The following PLA2R1 variants were observed in gnomAD, a reference collection of about 807,000 sequenced individuals.
PLA2R1 encodes the protein secretory phospholipase A2 receptor.
In PLA2R1, 158 loss-of-function variants were observed where a neutral mutation model predicts 195.9. The observed-to-expected ratio is 0.81, with a 90% CI of 0.71 to 0.92. The LOEUF (loss-of-function observed/expected upper bound fraction) is 0.92, where lower values mean the gene tolerates loss of function less well. Among genes scored for constraint, PLA2R1 ranks in the 40% least tolerant of loss-of-function variants. The probability of loss-of-function intolerance (pLI) is 0.00; values close to 1 mark genes in which losing one functional copy is unlikely to be tolerated. For missense variants in PLA2R1, 1,626 were observed against 1,764.6 expected, an observed-to-expected ratio of 0.92 and a Z score of 1.41; for synonymous variants, 586 against 598.2, an observed-to-expected ratio of 0.98 and a Z score of 0.30.
At chr2:159,987,057 G>A in intron 12 of PLA2R1, 99 bp downstream of exon 12, 3 of 847,314 alleles carry the variant, frequency 3.5e-6, no homozygotes, top group Non-Finnish European at 5.8e-6. Context: ...CACTGTTCTG[G>A]AAAAAAAAAG....
rs756189501 is a variant in PLA2R1, at chr2:159,967,666, C to G, written c.2777G>C (p.Ser926Thr). 1.8e-5 allele frequency: 29 copies of G among 1,613,538 alleles called. No individual in the cohort carries two copies. The South Asian group carries it at 3.2e-4, about 18-fold the overall frequency. ...AGGCATAGAAACTGAACACTCTTCACTACCCCAGAGTCCTGGAGGAGAAAA... is the reference window on the plus strand; with the variant it reads ...AGGCATAGAAACTGAACACTCTTCAGTACCCCAGAGTCCTGGAGGAGAAAA... ...FISSITGLWG[S>T]EECSVSMPSI... Residue 926 changes from serine to threonine, a missense_variant, in exon 20 of 30, where the codon AGT becomes ACT. By Grantham distance (58) the Ser-to-Thr change is moderately conservative. Transcript: ENST00000283243.
intron 10 of PLA2R1, among the ~76,000 whole-genome samples, chr2:160,008,020 G>T (rs1692111330): frequency 6.6e-6 from 1 of 152,212 alleles, no homozygotes; most frequent in African/African-American, 2.4e-5. Flanking sequence ...AGACAGTGTG[G>T]GCTGGGCATA....
At chr2:160,023,342 A>T (rs1487788697) in intron 6 of PLA2R1, among the ~76,000 whole-genome samples, 1 of 152,208 alleles carries the variant, frequency 6.6e-6, no homozygotes, top group Non-Finnish European at 1.5e-5. Context: ...AAAACCCATC[A>T]AAACCAAGAC....
At chr2:160,009,151 T>C (rs1268748883) in intron 10 of PLA2R1, among the ~76,000 whole-genome samples, 1 of 152,236 alleles carries the variant, frequency 6.6e-6, no homozygotes. Context: ...GTACAGTGGT[T>C]CCTTAAAAAA....
intron 10 of PLA2R1, among the ~76,000 whole-genome samples, chr2:160,011,541 C>A (rs1407380687): frequency 1.3e-5 from 2 of 151,952 alleles, no homozygotes; most frequent in African/African-American, 4.8e-5. Flanking sequence ...AACACAGTGC[C>A]AGGTATGTGA....
intron 11 of PLA2R1, among the ~76,000 whole-genome samples, chr2:159,999,726 C>T (rs1231946909): frequency 1.3e-5 from 2 of 152,040 alleles, no homozygotes; most frequent in East Asian, 3.9e-4. Context: ...AAATGAATGG[C>T]TTTAATTATG....
chr2:159,968,720 T>TA (rs1688947396), intron 19 of PLA2R1, among the ~76,000 whole-genome samples: 1 of 152,198 alleles, frequency 6.6e-6, no homozygotes, highest in South Asian at 2.1e-4. Context: ...GAGGAGAATT[T>TA]AAAAAACCAA....
intron 8 of PLA2R1, among the ~76,000 whole-genome samples, chr2:160,018,393 A>G (rs2105456882): frequency 6.6e-6 from 1 of 152,336 alleles, no homozygotes; most frequent in Middle Eastern, 3.4e-3. Context: ...CAGTAATCAC[A>G]ACACTTTGGG....
chr2:160,013,355 TCCA>T lies in PLA2R1; in HGVS notation c.1569_1571del (p.Gly524del). ...GGACTGTGTCAATTTTGTAACAGAATCCACCATGTCTCTCCCATCCCTTAAAAA... is the reference window on the plus strand; with the variant it reads ...GGACTGTGTCAATTTTGTAACAGAATCCATGTCTCTCCCATCCCTTAAAAA... On this transcript the variant is annotated inframe_deletion, in exon 10 of 30. Transcript: ENST00000283243. 2 of 1,603,378 alleles carry T rather than the reference TCCA, an allele frequency of 1.2e-6. No individual in the cohort carries two copies. Among genetic ancestry groups the T allele is most frequent in the Non-Finnish European group, 1.7e-6 (2 of 1,170,722 alleles).
intron 3 of PLA2R1, among the ~76,000 whole-genome samples, chr2:160,041,440 A>C (rs1694513329): frequency 6.6e-6 from 1 of 152,234 alleles, no homozygotes; most frequent in African/African-American, 2.4e-5. Flanking sequence ...ACTGCCATTG[A>C]ACTTTGAAAA....
Position 159,940,919 on chromosome 2 carries a change from G to A in PLA2R1, c.*859C>T, listed in dbSNP as rs1687055867. ...TCCAAGTTACATTTTATATCTTCCAGTTATTAAGAGTGTTACATATTATTT... is the reference window on the plus strand; with the variant it reads ...TCCAAGTTACATTTTATATCTTCCAATTATTAAGAGTGTTACATATTATTT... On this transcript the variant is annotated 3_prime_UTR_variant, in exon 30 of 30. Coordinates refer to ENST00000283243, the MANE Select transcript of PLA2R1 (RefSeq NM_007366.5). The A allele has an allele frequency of 6.6e-6, 1 of 151,984 alleles. No individual in the cohort carries two copies. Among genetic ancestry groups the A allele is most frequent in the Non-Finnish European group, 1.5e-5 (1 of 67,986 alleles). 9.4% of individuals were successfully genotyped at this position (151,984 alleles called of 1,614,324 possible).
At chr2:160,052,721 G>C (rs1559020610) in intron 1 of PLA2R1, among the ~76,000 whole-genome samples, 1 of 152,102 alleles carries the variant, frequency 6.6e-6, no homozygotes. Flanking sequence ...TTAAAGCCCA[G>C]GGGGAAATGA....
At position 160,013,471 on chromosome 2, in the gene PLA2R1, C is replaced by CA. The variant is rs1692499664; in HGVS notation, c.1552-97_1552-96insT. The CA allele has an allele frequency of 4.9e-6, 3 of 612,510 alleles. No homozygotes were observed. The South Asian group carries it at 7.1e-5, about 14-fold the overall frequency. The allele number at this position is 612,510 out of a possible 1,614,324, so 37.9% of individuals were successfully genotyped here. A position where few individuals can be genotyped will look rare whatever the true frequency, so the allele number is the denominator to read the frequency against. ...ACTCTTTTACCACCTACATAACTTT[C>CA]TTCTCTTACTCCTTTAAAACTCCTT... On this transcript the variant is annotated intron_variant, in intron 9 of 29. Coordinates refer to ENST00000283243, the MANE Select transcript of PLA2R1 (RefSeq NM_007366.5).
Position 159,977,200 on chromosome 2 carries a change from T to G in PLA2R1, c.2401+84A>C, listed in dbSNP as rs557481111. On this transcript the variant is annotated intron_variant, in intron 15 of 29. Transcript: ENST00000283243. ...ATTTTATCATGCAATTTGTTGATAT[T>G]GTGGTTTGGGGTGTTTAAATTGGGA... The G allele has an allele frequency of 4.5e-5, 43 of 953,682 alleles. No individual in the cohort carries two copies. In the African/African-American group the frequency reaches 6.7e-4, roughly 15 times the overall value. The allele number at this position is 953,682 out of a possible 1,614,324, so 59.1% of individuals were successfully genotyped here.
At chr2:159,954,699 C>T (rs998516497) in intron 23 of PLA2R1, among the ~76,000 whole-genome samples, 1 of 151,808 alleles carries the variant, frequency 6.6e-6, no homozygotes, top group Admixed American at 6.6e-5. Flanking sequence ...ATTCATTGAC[C>T]CTGTTGGCTA....
In PLA2R1 at chr2:159,942,022, A is replaced by G. The variant is rs1553823008; in HGVS notation, c.4178-30T>C. The G allele has an allele frequency of 1.9e-5, 31 of 1,594,928 alleles. 1 individual carries two copies. In the South Asian group the frequency reaches 3.5e-4, roughly 18 times the overall value. On this transcript the variant is annotated intron_variant, in intron 29 of 29. Transcript: ENST00000283243. ...AAGAAGATATTTTTCTTAAAAAAAG[A>G]AAAACTTCAGTGGCGATGAAGTAAT...
chr2:159,965,610 A>C (rs923544401), intron 20 of PLA2R1, among the ~76,000 whole-genome samples: 5 of 152,208 alleles, frequency 3.3e-5, no homozygotes, highest in African/African-American at 1.2e-4. Flanking sequence ...ATATTCATGG[A>C]CAGGTTTTTA....
At position 159,944,929 on chromosome 2, in the gene PLA2R1, C is replaced by G. The variant is rs201298205; in HGVS notation, c.4121G>C (p.Gly1374Ala). ...ACCTGCCTCCATTTTACATATAAAGCCTTTTTTTTCTTGACACGGGGATAG... is the reference window on the plus strand; with the variant it reads ...ACCTGCCTCCATTTTACATATAAAGGCTTTTTTTTCTTGACACGGGGATAG... ...WQLSPCQEKK[G>A]FICKMEADIH... is the part of the protein sequence containing the mutation. The change falls in exon 28 of 30, where the codon GGC (glycine) becomes GCC (alanine). Residue 1374 changes from glycine (G) to alanine (A), a missense_variant. Physicochemically the swap from Gly to Ala is moderately conservative, Grantham distance 60 (BLOSUM62 0). Coordinates refer to ENST00000283243, the MANE Select transcript of PLA2R1 (RefSeq NM_007366.5). 2.5e-6 allele frequency: 4 copies of G among 1,612,742 alleles called. No individual in the cohort carries two copies. The highest frequency in any genetic ancestry group is 1.7e-5 in the Admixed American group (1 of 59,936).
At chr2:160,049,083 C>A in intron 1 of PLA2R1, among the ~76,000 whole-genome samples, 1 of 152,020 alleles carries the variant, frequency 6.6e-6, no homozygotes, top group East Asian at 1.9e-4. Flanking sequence ...CCTCGTGATC[C>A]GCCCGCCTCG....
Sources: gnomAD v4.1 joint callset for allele counts (sites outside exome capture counted in the v4.1 genomes callset) on GRCh38, gnomAD v4.1.1 for gene constraint, MANE v1.5 for transcripts, NCBI Gene and HGNC (gene_info 2026-07-23, HGNC 2026-07-21) for gene names.